FBXO34: variants seen among roughly 807,000 people sequenced by gnomAD.
FBXO34 encodes the protein F-box only protein 34.
Under a neutral mutation model 24.5 loss-of-function variants are expected in FBXO34, and 12 were observed. The observed-to-expected ratio is 0.49, with a 90% CI of 0.31 to 0.79. The LOEUF (loss-of-function observed/expected upper bound fraction) is 0.79. FBXO34 is among the 30% of genes least tolerant of loss of function. The pLI, the probability that FBXO34 is intolerant of heterozygous loss-of-function variation, is 0.04. For missense variants in FBXO34, 823 were observed against 857.7 expected, an observed-to-expected ratio of 0.96 and a Z score of 0.51; for synonymous variants, 320 against 311.9, an observed-to-expected ratio of 1.03 and a Z score of -0.27.
the FBXO34 span, among the ~76,000 whole-genome samples, chr14:55,400,861 G>A: frequency 8.6e-5 from 13 of 151,600 alleles, no homozygotes; most frequent in Non-Finnish European, 1.6e-4. Flanking sequence ...CTGAGATTAC[G>A]TCACTGCACT....
Position 55,359,754 on chromosome 14 carries a change from C to T in FBXO34, c.*589-1979C>T, listed in dbSNP as rs528680599. 5.9e-5 allele frequency among the ~76,000 whole-genome samples: 9 copies of T among 152,176 alleles called. No homozygotes were observed. In the South Asian group the frequency reaches 1.9e-3, roughly 32 times the overall value. On this transcript the variant is annotated intron_variant and NMD_transcript_variant, in intron 3 of 3. Transcript: ENST00000555280. Reference sequence around the variant, plus strand: ...TAACTTACTTCAAAATCTCAAACCTCTCTGTTGTCATTTCAATGATGTTTG... The same window carrying T: ...TAACTTACTTCAAAATCTCAAACCTTTCTGTTGTCATTTCAATGATGTTTG...
the FBXO34 span, among the ~76,000 whole-genome samples, chr14:55,416,535 G>A: frequency 2.3e-4 from 35 of 152,216 alleles, no homozygotes; most frequent in Non-Finnish European, 4.0e-4. Context: ...AAAGATTTGC[G>A]GTGGGGAGGA....
At chr14:55,360,622 T>C (rs898440264) in intron 3 of FBXO34, among the ~76,000 whole-genome samples, 2 of 152,218 alleles carry the variant, frequency 1.3e-5, no homozygotes, top group African/African-American at 4.8e-5. Flanking sequence ...TTTTCTGTTT[T>C]ACACGCGATG....
chr14:55,332,723 C>G (rs1594756801), intron 1 of FBXO34, among the ~76,000 whole-genome samples: 1 of 152,102 alleles, frequency 6.6e-6, no homozygotes, highest in Non-Finnish European at 1.5e-5. Context: ...TTTAGTTTAT[C>G]AGAAAATGTT....
intron 1 of FBXO34, chr14:55,298,729 T>C (rs955596833): frequency 7.6e-6 from 12 of 1,570,816 alleles, no homozygotes; most frequent in Non-Finnish European, 8.7e-6. Flanking sequence ...ACGGAGGAGA[T>C]GTTAAGCAAG....
At chr14:55,344,546 A>ATT (rs3085086) in intron 1 of FBXO34, among the ~76,000 whole-genome samples, 2 of 138,972 alleles carry the variant, frequency 1.4e-5, no homozygotes, top group Admixed American at 7.2e-5. Flanking sequence ...GTGTATGTGT[A>ATT]TTTTTTTTTT....
chr14:55,433,391 G>GTT, the FBXO34 span, among the ~76,000 whole-genome samples: 4 of 146,956 alleles, frequency 2.7e-5, no homozygotes, highest in African/African-American at 1.0e-4. Flanking sequence ...GGGCTCAAGC[G>GTT]ATCCTCCTGC....
At chr14:55,438,095 G>A in the FBXO34 span, among the ~76,000 whole-genome samples, 5 of 152,078 alleles carry the variant, frequency 3.3e-5, no homozygotes, top group Non-Finnish European at 5.9e-5. Flanking sequence ...CTCAAGTTAC[G>A]GGCCTGGACT....
downstream of FBXO34, chr14:55,369,064 T>TA (rs1238079841): frequency 6.6e-6 from 1 of 150,740 alleles, no homozygotes; most frequent in Non-Finnish European, 1.5e-5. Flanking sequence ...AAAATACGTG[T>TA]AACTCACCCC....
At chr14:55,380,514 CA>C in the FBXO34 span, 1 of 1,165,738 alleles carries the variant, frequency 8.6e-7, no homozygotes. Context: ...TAAATAAAGA[CA>C]AAATAGAAAC....
chr14:55,377,902 A>G, the FBXO34 span: 1 of 1,602,348 alleles, frequency 6.2e-7, no homozygotes, highest in Non-Finnish European at 8.5e-7. Flanking sequence ...CTAAATTTAC[A>G]TGCTAAAAAA....
In FBXO34 at chr14:55,337,211, G is replaced by A. The variant is rs937233559; in HGVS notation, c.-10-13170G>A. ...CTGGTCTCTAACTCCTGAACTCAAG[G>A]GATTCACTCACCTTAGCCTCCCAAA... On this transcript the variant is annotated intron_variant, in intron 1 of 1. Coordinates refer to ENST00000313833, the MANE Select transcript of FBXO34 (RefSeq NM_017943.4). 2.6e-5 allele frequency among the ~76,000 whole-genome samples: 4 copies of A among 151,928 alleles called. No individual in the cohort carries two copies. In the South Asian group the frequency reaches 8.3e-4, roughly 32 times the overall value.
At chr14:55,279,450 T>TA (rs1336242255) in intron 1 of FBXO34, among the ~76,000 whole-genome samples, 1 of 152,180 alleles carries the variant, frequency 6.6e-6, no homozygotes, top group East Asian at 1.9e-4. Context: ...ATTGCTAATA[T>TA]AATACTATTG....
chr14:55,419,137 T>G, the FBXO34 span, among the ~76,000 whole-genome samples: 3 of 152,252 alleles, frequency 2.0e-5, no homozygotes, highest in African/African-American at 7.2e-5. Flanking sequence ...CAGGTGTTAT[T>G]GTAGACTTGC....
At chr14:55,381,784 G>A in the FBXO34 span, among the ~76,000 whole-genome samples, 2 of 152,202 alleles carry the variant, frequency 1.3e-5, no homozygotes, top group Non-Finnish European at 2.9e-5. Context: ...TCATGCCATG[G>A]GGTTTCTGTC....
chr14:55,403,655 G>T, the FBXO34 span, among the ~76,000 whole-genome samples: 1 of 152,026 alleles, frequency 6.6e-6, no homozygotes, highest in African/African-American at 2.4e-5. Flanking sequence ...AGACGTTTAG[G>T]TATGTTAAAT....
At chr14:55,433,673 G>C in the FBXO34 span, 1 of 1,614,002 alleles carries the variant, frequency 6.2e-7, no homozygotes, top group Non-Finnish European at 8.5e-7. Context: ...CTAAATATAA[G>C]GGCTGTTGTC....
chr14:55,300,251 T>C (rs1295765535), intron 1 of FBXO34, among the ~76,000 whole-genome samples: 1 of 152,208 alleles, frequency 6.6e-6, no homozygotes, highest in African/African-American at 2.4e-5. Flanking sequence ...TAGGCTTTAG[T>C]CTATAGTCCA....
chr14:55,355,123 G>A (rs1884501327), downstream of FBXO34: 1 of 152,308 alleles, frequency 6.6e-6, no homozygotes, highest in African/African-American at 2.4e-5. Flanking sequence ...AGGAGTCAGG[G>A]AGCTGCTGCT....
Sources: gnomAD v4.1 joint callset for allele counts (sites outside exome capture counted in the v4.1 genomes callset) on GRCh38, gnomAD v4.1.1 for gene constraint, MANE v1.5 for transcripts, NCBI Gene and HGNC (gene_info 2026-07-23, HGNC 2026-07-21) for gene names.